The following MTMR14 variants were observed in gnomAD, a reference collection of about 807,000 sequenced individuals.
The protein encoded by MTMR14 is myotubularin related protein 14.
MTMR14 carries 48 observed loss-of-function variants against 86.3 expected under a neutral mutation model. The ratio of observed to expected loss-of-function variants is 0.56; its 90% CI spans 0.44 to 0.71. The LOEUF is 0.71. MTMR14 is among the 30% of genes least tolerant of loss of function. The pLI, the probability that MTMR14 is intolerant of heterozygous loss-of-function variation, is 0.00. For missense variants in MTMR14, 780 were observed against 834.6 expected (o/e 0.93, Z 0.81); for synonymous variants, 366 against 326.1 (o/e 1.12, Z -1.32).
intron 9 of MTMR14, 78 bp downstream of exon 9, chr3:9,678,136 G>T: frequency 1.4e-6 from 2 of 1,464,206 alleles, no homozygotes; most frequent in South Asian, 2.4e-5. Flanking sequence ...TGCCCCACAA[G>T]GCCCTCGTGT....
chr3:9,676,322 C>G (rs1427191031), intron 7 of MTMR14, among the ~76,000 whole-genome samples: 1 of 152,222 alleles, frequency 6.6e-6, no homozygotes, highest in Non-Finnish European at 1.5e-5. Flanking sequence ...CTTGGAGGAC[C>G]AGATGCTCTC....
intron 9 of MTMR14, 141 bp downstream of exon 9, chr3:9,678,199 C>T: frequency 2.9e-6 from 2 of 686,892 alleles, no homozygotes; most frequent in Non-Finnish European, 4.9e-6. Flanking sequence ...CCTCTGTCCT[C>T]TCAGAAAGGA....
Position 9,649,601 on chromosome 3 carries a change from C to A in MTMR14, c.18C>A (p.Ala6=), listed in dbSNP as rs1450033277. The A allele has an allele frequency of 1.9e-6, 3 of 1,544,856 alleles. No homozygotes were observed. Among genetic ancestry groups the A allele is most frequent in the South Asian group, 1.2e-5 (1 of 83,922 alleles). The change falls in exon 1 of 19, where the codon GCC becomes GCA. Residue 6 remains alanine, a synonymous_variant. Coordinates refer to ENST00000296003, the MANE Select transcript of MTMR14 (RefSeq NM_001077525.3). ...GCTGGGCCATGGCCGGCGCTCGGGC[C>A]GCCGCCGCCGCTGCCTCGGCGGGGT... MAGAR[A]AAAAASAGSS...
At chr3:9,651,684 C>T (rs1384452696) in intron 1 of MTMR14, among the ~76,000 whole-genome samples, 1 of 151,724 alleles carries the variant, frequency 6.6e-6, no homozygotes, top group Non-Finnish European at 1.5e-5. Context: ...CTTTTTTTTT[C>T]AGAAGGAGTC....
chr3:9,689,149 C>G lies in MTMR14; in HGVS notation c.1433+67C>G, dbSNP rs2076059993. 14 of 1,594,228 alleles carry G rather than the reference C, an allele frequency of 8.8e-6. No homozygotes were observed. The East Asian group carries it at 3.1e-4, about 36-fold the overall frequency. The stretch of plus-strand genomic sequence containing the variant: ...CCCGGGGCCATCAGCACCAGGGAGC[C>G]AGGCTGGAGCCCCAAGAACAAAGCA... On this transcript the variant is annotated intron_variant, in intron 16 of 18. Transcript: ENST00000296003.
intron 7 of MTMR14, 120 bp downstream of exon 7, chr3:9,672,878 G>A (rs761985999): frequency 5.1e-5 from 46 of 908,706 alleles, no homozygotes; most frequent in Non-Finnish European, 7.5e-5. Context: ...GTTTGTGTCA[G>A]GCAGTGTAGG....
intron 3 of MTMR14, among the ~76,000 whole-genome samples, chr3:9,664,151 G>A (rs780404403): frequency 1.6e-4 from 25 of 151,628 alleles, no homozygotes; most frequent in Non-Finnish European, 3.2e-4. Flanking sequence ...GAGGTTGCAC[G>A]GGAGATACTC....
chr3:9,698,894 C>A (rs2076365202), intron 18 of MTMR14, among the ~76,000 whole-genome samples: 1 of 152,010 alleles, frequency 6.6e-6, no homozygotes, highest in Non-Finnish European at 1.5e-5. Flanking sequence ...GCAGGCCGGG[C>A]ATGGTGGCTC....
chr3:9,701,951 G>A lies in MTMR14; in HGVS notation c.1931G>A (p.Ser644Asn). The A allele has an allele frequency of 1.9e-6, 3 of 1,614,186 alleles. No individual in the cohort carries two copies. Among genetic ancestry groups the A allele is most frequent in the Non-Finnish European group, 2.5e-6 (3 of 1,180,042 alleles). The change falls in exon 19 of 19, where the codon AGC becomes AAC. Residue 644 changes from serine to asparagine, a missense_variant. Physicochemically the swap from Ser to Asn is conservative, Grantham distance 46 (BLOSUM62 1). Transcript: ENST00000296003. The surrounding 1 kb of genome is among the most constrained non-coding windows in gnomAD (Gnocchi z 4.2). ...TTTGCCCGTGGTGTTGGACTCCGGA[G>A]CATCAGCAGCAATGCCTTGTGAAGA... ...EQFARGVGLR[S>N]ISSNAL
chr3:9,683,624 C>T (rs1229535358), intron 10 of MTMR14: 3 of 240,048 alleles, frequency 1.2e-5, no homozygotes, highest in Admixed American at 5.1e-5. Context: ...CTGTAGAGGC[C>T]CTGTTCTCCA....
In MTMR14 at chr3:9,701,681, G is replaced by A; in HGVS notation, c.1770-109G>A. The stretch of plus-strand genomic sequence containing the variant: ...TGGCCGTAGGACAGACACTGGCCTT[G>A]TACAGTCAGAAGAAGCACAAGGACA... On this transcript the variant is annotated intron_variant, in intron 18 of 18. Transcript: ENST00000296003. The surrounding 1 kb of genome is among the most constrained non-coding windows in gnomAD (Gnocchi z 4.2). The A allele has an allele frequency of 1.5e-6, 2 of 1,304,400 alleles. No individual in the cohort carries two copies. Among genetic ancestry groups the A allele is most frequent in the Non-Finnish European group, 1.1e-6 (1 of 918,072 alleles). 80.8% of individuals were successfully genotyped at this position (1,304,400 alleles called of 1,614,324 possible). A position where few individuals can be genotyped will look rare whatever the true frequency, so the allele number is the denominator to read the frequency against.
Position 9,649,615 on chromosome 3 carries a change from C to A in MTMR14, c.32C>A (p.Ala11Asp). 6.4e-7 allele frequency: 1 copy of A among 1,551,746 alleles called. No homozygotes were observed. Among genetic ancestry groups the A allele is most frequent in the Non-Finnish European group, 8.7e-7 (1 of 1,148,648 alleles). The part of the protein sequence containing the change: MAGARAAAAA[A>D]SAGSSASSGN... ...GGCGCTCGGGCCGCCGCCGCCGCTGCCTCGGCGGGGTCCTCGGCCTCTTCA... is the reference window on the plus strand; with the variant it reads ...GGCGCTCGGGCCGCCGCCGCCGCTGACTCGGCGGGGTCCTCGGCCTCTTCA... Residue 11 changes from alanine to aspartate, a missense_variant, in exon 1 of 19, where the codon GCC (alanine) becomes GAC (aspartate). By Grantham distance (126) the Ala-to-Asp change is moderately radical. Coordinates refer to ENST00000296003, the MANE Select transcript of MTMR14 (RefSeq NM_001077525.3).
In MTMR14 at chr3:9,677,855, A is replaced by C; in HGVS notation, c.823-129A>C. On this transcript the variant is annotated intron_variant, in intron 8 of 18. Transcript: ENST00000296003. This position sits in a 1 kb window ranked among gnomAD's most constrained non-coding sequence, Gnocchi z 4.2. ...TTTTAAGCTGTCACTCCCAGGTAGC[A>C]CAGGTATCTGGCCCAGAGAAGGCAA... 1.3e-6 allele frequency: 1 copy of C among 740,898 alleles called. No individual in the cohort carries two copies. Among genetic ancestry groups the C allele is most frequent in the South Asian group, 1.7e-5 (1 of 58,520 alleles). The allele number at this position is 740,898 out of a possible 1,614,324, so 45.9% of individuals were successfully genotyped here. A position where few individuals can be genotyped will look rare whatever the true frequency, so the allele number is the denominator to read the frequency against.
Position 9,684,975 on chromosome 3 carries a change from G to T in MTMR14, c.1127+11G>T, listed in dbSNP as rs1201350411. The T allele has an allele frequency of 5.0e-6, 8 of 1,613,736 alleles. No homozygotes were observed. The Admixed American group carries it at 1.2e-4, about 24-fold the overall frequency. On this transcript the variant is annotated intron_variant, in intron 12 of 18. Transcript: ENST00000296003. ...CTGGTTCCTCTTCGGGTAAGCCTTT[G>T]CAGGAGTTGGGTTTTGGGGCCTTAG...
rs2048545415 is a variant in MTMR14 at position 9,671,112 on chromosome 3, T to A, written c.619T>A (p.Ser207Thr). 6.2e-7 allele frequency: 1 copy of A among 1,614,202 alleles called. No homozygotes were observed. Among genetic ancestry groups the A allele is most frequent in the Non-Finnish European group, 8.5e-7 (1 of 1,180,036 alleles). The stretch of plus-strand genomic sequence containing the variant: ...TGACATCAAGCTGCTTCGATACCTG[T>A]CAGTCAAATACATCTGTGACCTGAT... ...GYDIKLLRYL[S>T]VKYICDLMVE... Residue 207 changes from serine to threonine, a missense_variant, in exon 6 of 19, where the codon TCA becomes ACA. Physicochemically the swap from Ser to Thr is moderately conservative, Grantham distance 58. Transcript: ENST00000296003.
At chr3:9,690,253 A>G in intron 17 of MTMR14, 110 bp downstream of exon 17, 1 of 1,183,460 alleles carries the variant, frequency 8.4e-7, no homozygotes, top group Admixed American at 1.9e-5. Flanking sequence ...GGGGTTCCTA[A>G]GCTTGCAGGC....
intron 6 of MTMR14, among the ~76,000 whole-genome samples, chr3:9,672,068 G>A (rs867952638): frequency 1.3e-5 from 2 of 152,164 alleles, no homozygotes; most frequent in Admixed American, 6.5e-5. Flanking sequence ...GGTTCCCATA[G>A]GATCATATTA....
Position 9,668,157 on chromosome 3 carries a change from G to A in MTMR14, c.418-562G>A, listed in dbSNP as rs554804971. Among the ~76,000 whole-genome samples the A allele has an allele frequency of 2.0e-5, 3 of 152,300 alleles. No homozygotes were observed. The East Asian group carries it at 5.8e-4, about 29-fold the overall frequency. ...ATCCCTTCAGTGATGAGGAAAAGAA[G>A]CCTCTAAAACATTTCTCACTCACCC... On this transcript the variant is annotated intron_variant, in intron 3 of 18. Transcript: ENST00000296003.
At chr3:9,664,050 A>G (rs1283543534) in intron 3 of MTMR14, among the ~76,000 whole-genome samples, 1 of 151,622 alleles carries the variant, frequency 6.6e-6, no homozygotes, top group Non-Finnish European at 1.5e-5. Flanking sequence ...CAGCCTCCCA[A>G]AGTGCTGGGA....
Sources: allele counts gnomAD v4.1 joint callset (sites outside exome capture counted in the v4.1 genomes callset), GRCh38; gene constraint gnomAD v4.1.1; non-coding constraint Gnocchi (gnomAD v3.1); transcripts MANE v1.5; gene names NCBI Gene and HGNC (gene_info 2026-07-23, HGNC 2026-07-21).